Variants in WIPF1 observed in about 807,000 individuals in gnomAD.
The protein encoded by WIPF1 is WAS/WASL interacting protein family member 1.
WIPF1 carries 13 observed loss-of-function variants against 35.4 expected under a neutral mutation model. The ratio of observed to expected loss-of-function variants is 0.37; its 90% CI spans 0.24 to 0.58. The LOEUF is 0.58. WIPF1 is among the 20% of genes least tolerant of loss of function. The pLI is 0.74. For missense variants in WIPF1, 591 were observed against 667.0 expected (o/e 0.89, Z 1.25); for synonymous variants, 267 against 266.3 (o/e 1.00, Z -0.02).
At chr2:174,669,574 C>T (rs1458685877) in intron 1 of WIPF1, among the ~76,000 whole-genome samples, 3 of 152,230 alleles carry the variant, frequency 2.0e-5, no homozygotes, top group Admixed American at 2.0e-4. Context: ...AGATACTCAA[C>T]ATACATTAAC....
At chr2:174,615,443 G>T (rs929178251) in intron 1 of WIPF1, among the ~76,000 whole-genome samples, 1 of 152,016 alleles carries the variant, frequency 6.6e-6, no homozygotes. Flanking sequence ...AGGCATAAAA[G>T]TTCTTAAAGG....
intron 1 of WIPF1, among the ~76,000 whole-genome samples, chr2:174,632,066 T>A (rs1328929782): frequency 6.6e-6 from 1 of 152,192 alleles, no homozygotes; most frequent in African/African-American, 2.4e-5. Context: ...TTTCTCCAGA[T>A]TAAAGGTGAC....
intron 2 of WIPF1, among the ~76,000 whole-genome samples, chr2:174,584,903 C>CA (rs34445660): frequency 0.12 from 16,018 of 132,190 alleles, 1,066 homozygotes; most frequent in African/African-American, 0.21. Context: ...GAGCGAGACT[C>CA]AAAAAAAAAA....
At chr2:174,672,615 C>T (rs138924555) in intron 1 of WIPF1, among the ~76,000 whole-genome samples, 189 of 152,306 alleles carry the variant, frequency 1.2e-3, no homozygotes, top group Non-Finnish European at 1.0e-3. Context: ...TATCAGGCTT[C>T]GGCTCCTCAG....
intron 1 of WIPF1, among the ~76,000 whole-genome samples, chr2:174,616,653 A>G (rs2105908032): frequency 6.6e-6 from 1 of 152,326 alleles, no homozygotes; most frequent in East Asian, 1.9e-4. Flanking sequence ...TATTCTTCAA[A>G]TTAAGGGAAT....
At chr2:174,632,697 A>G (rs937802493) in intron 1 of WIPF1, among the ~76,000 whole-genome samples, 6 of 133,858 alleles carry the variant, frequency 4.5e-5, no homozygotes, top group Non-Finnish European at 8.0e-5. Flanking sequence ...CGACAAGAGC[A>G]AAACTCCATC....
chr2:174,634,006 C>A (rs1205616275), intron 1 of WIPF1, among the ~76,000 whole-genome samples: 1 of 152,162 alleles, frequency 6.6e-6, no homozygotes, highest in Non-Finnish European at 1.5e-5. Flanking sequence ...TTTATAATGA[C>A]ATACTATTTT....
intron 1 of WIPF1, among the ~76,000 whole-genome samples, chr2:174,669,338 T>C (rs1298912448): frequency 1.3e-5 from 2 of 152,264 alleles, no homozygotes; most frequent in Non-Finnish European, 2.9e-5. Context: ...AGAAGTGCTC[T>C]ATCTCTAGAC....
intron 1 of WIPF1, among the ~76,000 whole-genome samples, chr2:174,662,296 T>C (rs1009638592): frequency 1.1e-4 from 16 of 152,232 alleles, no homozygotes; most frequent in Non-Finnish European, 2.2e-4. Context: ...GCAACCATCA[T>C]AGGCATAACG....
At chr2:174,666,437 G>C (rs1687892720) in intron 1 of WIPF1, among the ~76,000 whole-genome samples, 1 of 152,124 alleles carries the variant, frequency 6.6e-6, no homozygotes. Flanking sequence ...TGTACCTCAG[G>C]GGGTAAAAAA....
intron 6 of WIPF1, 41 bp downstream of exon 6, chr2:174,567,820 G>T: frequency 4.0e-6 from 6 of 1,517,416 alleles, no homozygotes; most frequent in Non-Finnish European, 4.4e-6. Flanking sequence ...TTACCATTTA[G>T]TTGCTGCCCT....
At chr2:174,615,841 C>G (rs1264332661) in intron 1 of WIPF1, among the ~76,000 whole-genome samples, 1 of 152,162 alleles carries the variant, frequency 6.6e-6, no homozygotes, top group African/African-American at 2.4e-5. Context: ...GGAGCCAATG[C>G]TTGGTATTAA....
chr2:174,624,930 C>T (rs536335558), intron 1 of WIPF1, among the ~76,000 whole-genome samples: 5 of 152,318 alleles, frequency 3.3e-5, no homozygotes, highest in African/African-American at 9.6e-5. Flanking sequence ...CCCCATCGCC[C>T]TACAGCGTTC....
chr2:174,598,187 A>G (rs1685881120), upstream of WIPF1: 1 of 152,242 alleles, frequency 6.6e-6, no homozygotes, highest in Admixed American at 6.5e-5. Context: ...TTATCGCTTC[A>G]TTAGGCTAAG....
At chr2:174,616,693 G>A (rs1000368932) in intron 1 of WIPF1, among the ~76,000 whole-genome samples, 6 of 152,050 alleles carry the variant, frequency 3.9e-5, no homozygotes, top group Non-Finnish European at 8.8e-5. Flanking sequence ...TGTTTTACTG[G>A]GTTTTGAAAA....
intron 3 of WIPF1, among the ~76,000 whole-genome samples, chr2:174,579,544 C>T (rs1178988166): frequency 2.6e-5 from 4 of 152,160 alleles, no homozygotes; most frequent in African/African-American, 9.7e-5. Context: ...TATAGGTGTC[C>T]AGTTGAGTGT....
chr2:174,644,752 A>G (rs1418175603), intron 1 of WIPF1, among the ~76,000 whole-genome samples: 2 of 152,252 alleles, frequency 1.3e-5, no homozygotes, highest in Non-Finnish European at 2.9e-5. Flanking sequence ...GAGGAGCTCA[A>G]TTGAGAAAAT....
intron 1 of WIPF1, among the ~76,000 whole-genome samples, chr2:174,641,954 G>A (rs973333755): frequency 1.3e-5 from 2 of 152,158 alleles, no homozygotes; most frequent in Non-Finnish European, 2.9e-5. Flanking sequence ...TAAGTCTGAA[G>A]CCAATATACA....
At chr2:174,612,684 T>C (rs1686387820) in intron 1 of WIPF1, among the ~76,000 whole-genome samples, 1 of 152,198 alleles carries the variant, frequency 6.6e-6, no homozygotes, top group South Asian at 2.1e-4. Context: ...TGTGCTATTA[T>C]GACGTTTCAA....
Sources: gnomAD v4.1 joint callset for allele counts (sites outside exome capture counted in the v4.1 genomes callset) on GRCh38, gnomAD v4.1.1 for gene constraint, MANE v1.5 for transcripts, NCBI Gene and HGNC (gene_info 2026-07-23, HGNC 2026-07-21) for gene names.